RAB9A: variants seen among roughly 807,000 people sequenced by gnomAD.
The protein encoded by RAB9A is ras-related protein Rab-9A.
Under a neutral mutation model 10.3 loss-of-function variants are expected in RAB9A, and 1 was observed. The observed-to-expected ratio is 0.10, with a 90% CI of 0.03 to 0.46. The LOEUF (loss-of-function observed/expected upper bound fraction) is 0.46. RAB9A is among the 20% of genes least tolerant of loss of function. The pLI is 0.96. For synonymous variants in RAB9A, 39 were observed against 55.2 expected (o/e 0.71, Z 1.30); for missense variants, 92 against 150.3 (o/e 0.61, Z 2.03).
rs138683019 is a variant in RAB9A, at chrX:13,689,519, A to T, written c.-116+231A>T. Among the ~76,000 whole-genome samples, 353 of 111,526 alleles carry T rather than the reference A, an allele frequency of 3.2e-3. 2 individuals are homozygous for T. The highest frequency in any genetic ancestry group is 5.7e-3 in the Non-Finnish European group (300 of 52,928). ...TGGGGAGAGGGACTCACAGAAACAC[A>T]CACAAACACTGGAGAAAGGGAGATA... On this transcript the variant is annotated intron_variant, in intron 1 of 2. Coordinates refer to ENST00000464506, the MANE Select transcript of RAB9A (RefSeq NM_004251.5).
At chrX:13,693,002 G>A (rs2046132705) in intron 1 of RAB9A, among the ~76,000 whole-genome samples, 2 of 112,216 alleles carry the variant, frequency 1.8e-5, no homozygotes, top group African/African-American at 6.5e-5. Flanking sequence ...AGATAAATTG[G>A]TGCTAGAGTT....
intron 1 of RAB9A, among the ~76,000 whole-genome samples, chrX:13,703,322 G>C (rs1391029158): frequency 6.2e-5 from 7 of 112,061 alleles, no homozygotes; most frequent in Non-Finnish European, 9.4e-5. Context: ...TAACCTCTCT[G>C]AGTCAGTATC....
At chrX:13,698,190 CTTTTTTTTTT>C (rs67802719) in intron 1 of RAB9A, among the ~76,000 whole-genome samples, 18 of 38,355 alleles carry the variant, frequency 4.7e-4, no homozygotes, top group Non-Finnish European at 7.0e-4. Flanking sequence ...TCTTTTTTTT[CTTTTTTTTTT>C]TTTTTTTTTT....
chrX:13,708,586 A>C (rs2046208313), intron 2 of RAB9A, 135 bp from the exon 3 acceptor site: 1 of 537,123 alleles, frequency 1.9e-6, no homozygotes, highest in South Asian at 3.7e-5. Flanking sequence ...CTAAGTGCTC[A>C]GTAAACAACA....
At chrX:13,701,171 C>G (rs956189110) in intron 1 of RAB9A, among the ~76,000 whole-genome samples, 1 of 107,200 alleles carries the variant, frequency 9.3e-6, no homozygotes, top group Non-Finnish European at 1.9e-5. Flanking sequence ...ATTTTTATTA[C>G]CCCCCCAAAA....
intron 1 of RAB9A, among the ~76,000 whole-genome samples, chrX:13,691,616 C>T (rs922881554): frequency 5.3e-4 from 49 of 93,001 alleles, no homozygotes; most frequent in African/African-American, 1.8e-3. Flanking sequence ...GCCGAGATCA[C>T]GCCATTGCGC....
At chrX:13,694,557 T>G (rs2046139416) in intron 1 of RAB9A, among the ~76,000 whole-genome samples, 2 of 112,045 alleles carry the variant, frequency 1.8e-5, no homozygotes, top group Admixed American at 1.9e-4. Context: ...TCGAAAGGAA[T>G]GCAGTGCAAT....
intron 1 of RAB9A, among the ~76,000 whole-genome samples, chrX:13,699,717 C>T (rs761239759): frequency 8.9e-6 from 1 of 112,146 alleles, no homozygotes; most frequent in African/African-American, 3.2e-5. Flanking sequence ...AGTAACAGCC[C>T]GAGCAAAGAT....
chrX:13,709,471 G>A lies in RAB9A; in HGVS notation c.*119G>A, dbSNP rs1250067850. The stretch of plus-strand genomic sequence containing the variant: ...CATCTACTAATAAAATTAAACTAAT[G>A]TTGCTGCTTCATTAGTTGGTGGGAG... On this transcript the variant is annotated 3_prime_UTR_variant, in exon 3 of 3. Coordinates refer to ENST00000464506, the MANE Select transcript of RAB9A (RefSeq NM_004251.5). 3.6e-6 allele frequency: 3 copies of A among 840,460 alleles called. No homozygotes were observed. The highest frequency in any genetic ancestry group is 5.0e-6 in the Non-Finnish European group (3 of 605,268). 69.3% of individuals were successfully genotyped at this position (840,460 alleles called of 1,213,427 possible).
intron 2 of RAB9A, 54 bp downstream of exon 2, chrX:13,703,956 C>T (rs1039363722): frequency 8.0e-5 from 9 of 111,886 alleles, no homozygotes; most frequent in Non-Finnish European, 1.7e-4. Flanking sequence ...TTAAATTGCT[C>T]GTCCATGGGG....
intron 2 of RAB9A, among the ~76,000 whole-genome samples, chrX:13,708,099 A>G (rs960607884): frequency 4.5e-5 from 5 of 111,320 alleles, no homozygotes; most frequent in Admixed American, 1.9e-4. Context: ...AGACAGGTGG[A>G]TTGCTTGGGC....
intron 1 of RAB9A, among the ~76,000 whole-genome samples, chrX:13,701,687 G>A (rs1377163219): frequency 9.0e-6 from 1 of 111,282 alleles, no homozygotes; most frequent in Non-Finnish European, 1.9e-5. Context: ...GGGTTCAGTT[G>A]GAGATGTCCA....
intron 1 of RAB9A, among the ~76,000 whole-genome samples, chrX:13,695,075 C>T (rs892684546): frequency 5.4e-5 from 6 of 112,007 alleles, no homozygotes; most frequent in African/African-American, 1.9e-4. Context: ...TCAGGGACCC[C>T]TCGAGCCTCC....
intron 2 of RAB9A, among the ~76,000 whole-genome samples, chrX:13,705,174 G>A (rs1170226509): frequency 8.9e-6 from 1 of 112,088 alleles, no homozygotes; most frequent in African/African-American, 3.2e-5. Flanking sequence ...TTATATTAAT[G>A]TATAGATCAA....
At position 13,709,725 on chromosome X, in the gene RAB9A, G is replaced by A. The variant is rs2046213592; in HGVS notation, c.*373G>A. The A allele has an allele frequency of 7.8e-6, 1 of 129,031 alleles. No individual in the cohort carries two copies. The highest frequency in any genetic ancestry group is 1.7e-5 in the Non-Finnish European group (1 of 57,246). 10.6% of individuals were successfully genotyped at this position (129,031 alleles called of 1,213,427 possible). A position where few individuals can be genotyped will look rare whatever the true frequency, so the allele number is the denominator to read the frequency against. ...AAATGGAGAACTACTTTTTATATGTGTATGTTTTTATGCAATTAGCATTGT... is the reference window on the plus strand; with the variant it reads ...AAATGGAGAACTACTTTTTATATGTATATGTTTTTATGCAATTAGCATTGT... On this transcript the variant is annotated 3_prime_UTR_variant, in exon 3 of 3. Transcript: ENST00000464506.
intron 1 of RAB9A, among the ~76,000 whole-genome samples, chrX:13,702,160 T>C (rs766281456): frequency 8.9e-6 from 1 of 111,926 alleles, no homozygotes; most frequent in East Asian, 2.8e-4. Context: ...CTCCGGGTGC[T>C]CAGGCCTACC....
chrX:13,696,104 T>C (rs1362104987), intron 1 of RAB9A, among the ~76,000 whole-genome samples: 4 of 110,398 alleles, frequency 3.6e-5, no homozygotes, highest in African/African-American at 6.6e-5. Flanking sequence ...TGTTTCCTTA[T>C]TTGTTTTTAA....
chrX:13,704,395 G>A (rs2046188211), intron 2 of RAB9A, among the ~76,000 whole-genome samples: 2 of 111,653 alleles, frequency 1.8e-5, no homozygotes, highest in Admixed American at 1.9e-4. Flanking sequence ...GTCATGGATA[G>A]TATTCAGGTT....
At chrX:13,697,989 T>C (rs2046155133) in intron 1 of RAB9A, among the ~76,000 whole-genome samples, 1 of 111,231 alleles carries the variant, frequency 9.0e-6, no homozygotes, top group Non-Finnish European at 1.9e-5. Context: ...TAAAATTAAA[T>C]GAAAAATTCA....
Sources: allele counts gnomAD v4.1 joint callset (sites outside exome capture counted in the v4.1 genomes callset), GRCh38; gene constraint gnomAD v4.1.1; transcripts MANE v1.5; gene names NCBI Gene and HGNC (gene_info 2026-07-23, HGNC 2026-07-21).